SSBP3: variants seen among roughly 807,000 people sequenced by gnomAD.
SSBP3 encodes single stranded DNA binding protein 3, also known as single-stranded DNA-binding protein 3.
Under a neutral mutation model 69.6 loss-of-function variants are expected in SSBP3, and 5 were observed. That is an observed-to-expected ratio of 0.07 (90% CI 0.04 to 0.15). The LOEUF (loss-of-function observed/expected upper bound fraction) is 0.15. SSBP3 is among the 10% of genes least tolerant of loss of function. The probability of loss-of-function intolerance (pLI) is 1.00; values close to 1 mark genes in which losing one functional copy is unlikely to be tolerated. For synonymous variants in SSBP3, 196 were observed against 193.4 expected (o/e 1.01, Z -0.11); for missense variants, 312 against 534.0 (o/e 0.58, Z 4.10).
At chr1:54,305,348 C>T (rs1437975739) in intron 4 of SSBP3, among the ~76,000 whole-genome samples, 3 of 149,802 alleles carry the variant, frequency 2.0e-5, no homozygotes. Context: ...CCGGCCAGCA[C>T]ATGGTAGGGT....
chr1:54,288,934 C>T (rs1490042171), intron 4 of SSBP3, among the ~76,000 whole-genome samples: 5 of 147,300 alleles, frequency 3.4e-5, no homozygotes, highest in Admixed American at 7.0e-5. Flanking sequence ...GCAGGAGACT[C>T]GCGTGAACCC....
intron 14 of SSBP3, chr1:54,236,457 T>G (rs543026627): frequency 6.6e-6 from 1 of 152,332 alleles, no homozygotes; most frequent in South Asian, 2.1e-4. Context: ...GTTGCAGAGA[T>G]GGTGAGGATG....
intron 4 of SSBP3, among the ~76,000 whole-genome samples, chr1:54,284,454 T>C (rs1446062636): frequency 2.0e-5 from 3 of 151,766 alleles, no homozygotes; most frequent in Non-Finnish European, 4.4e-5. Context: ...TAAGGGTAAG[T>C]TATAATTTAA....
chr1:54,251,918 A>T (rs1644837356), intron 7 of SSBP3, 58 bp from the exon 8 acceptor site: 1 of 1,460,150 alleles, frequency 6.8e-7, no homozygotes, highest in Admixed American at 1.8e-5. Flanking sequence ...GGCCATGGGG[A>T]CAGGCATCTA....
At chr1:54,408,854 GC>G (rs1203318976), upstream of SSBP3, among the ~76,000 whole-genome samples, 1 of 152,212 alleles carries the variant, frequency 6.6e-6, no homozygotes, top group Non-Finnish European at 1.5e-5. Context: ...TCAGCCCTTT[GC>G]TGGAACTTGA....
At chr1:54,321,407 G>A (rs927679129) in intron 4 of SSBP3, among the ~76,000 whole-genome samples, 6 of 152,202 alleles carry the variant, frequency 3.9e-5, no homozygotes, top group African/African-American at 1.4e-4. Context: ...TGGCTGGGTG[G>A]TATCCATCCC....
Position 54,237,685 on chromosome 1 carries a change from C to T in SSBP3, c.927+1444G>A, listed in dbSNP as rs185708010. ...GTCACGCTGGTGCTGTCATTGTCAC[C>T]GTTCTCATTTTCATCATCTGAACTC... On this transcript the variant is annotated intron_variant, in intron 14 of 17. Transcript: ENST00000610401. 65 of 160,088 alleles carry T rather than the reference C, an allele frequency of 4.1e-4. No homozygotes were observed. The East Asian group carries it at 7.5e-3, about 19-fold the overall frequency. The allele number at this position is 160,088 out of a possible 1,614,324, so 9.9% of individuals were successfully genotyped here.
chr1:54,239,205 G>T lies in SSBP3; in HGVS notation c.857-6C>A, dbSNP rs367861609. On this transcript the variant is annotated splice_polypyrimidine_tract_variant and splice_region_variant and intron_variant, in intron 13 of 17. Coordinates refer to ENST00000610401, the Ensembl canonical transcript of SSBP3. ...GTCACTGGAATTTGTTGAATCTGTAGAACAGTGGAAACCCACAAGTCGGGG... is the reference window on the plus strand; with the variant it reads ...GTCACTGGAATTTGTTGAATCTGTATAACAGTGGAAACCCACAAGTCGGGG... 2 of 1,606,436 alleles carry T rather than the reference G, an allele frequency of 1.2e-6. No individual in the cohort carries two copies. The highest frequency in any genetic ancestry group is 2.7e-5 in the African/African-American group (2 of 74,584).
At chr1:54,256,003 C>T (rs1164788281) in intron 7 of SSBP3, among the ~76,000 whole-genome samples, 17 of 151,748 alleles carry the variant, frequency 1.1e-4, no homozygotes, top group African/African-American at 4.1e-4. Flanking sequence ...ACCCAGGAGG[C>T]GGACGGAGGT....
At chr1:54,240,104 G>GCCCA (rs1491195717) in intron 13 of SSBP3, among the ~76,000 whole-genome samples, 1 of 4,574 alleles carries the variant, frequency 2.2e-4, no homozygotes, top group Non-Finnish European at 4.4e-4. Flanking sequence ...GCGCGCGTGT[G>GCCCA]CGTGCGCGCG....
rs1644325512 is a variant in SSBP3 at position 54,228,438 on chromosome 1, T to C, written c.1035+11A>G. The C allele has an allele frequency of 1.9e-6, 3 of 1,614,018 alleles. No individual in the cohort carries two copies. Among genetic ancestry groups the C allele is most frequent in the African/African-American group, 1.3e-5 (1 of 74,900 alleles). On this transcript the variant is annotated intron_variant, in intron 16 of 17. Transcript: ENST00000610401. ...ATGGGGCGCCGCCAGGGAGACCGAG[T>C]GCACACTCACTTTTGGAAGTCCGTC... is the stretch of plus-strand genomic sequence containing the variant.
At chr1:54,403,488 A>G (rs1649452202) in intron 3 of SSBP3, among the ~76,000 whole-genome samples, 1 of 152,198 alleles carries the variant, frequency 6.6e-6, no homozygotes, top group African/African-American at 2.4e-5. Context: ...CAGAAAGCCT[A>G]TCACCCACTC....
chr1:54,390,505 G>A (rs765049848), intron 4 of SSBP3, among the ~76,000 whole-genome samples: 4 of 152,034 alleles, frequency 2.6e-5, no homozygotes, highest in Admixed American at 6.6e-5. Flanking sequence ...GGTCAGAATC[G>A]ACTGAAGCAC....
At chr1:54,281,023 G>C (rs369832770) in intron 5 of SSBP3, among the ~76,000 whole-genome samples, 2 of 152,186 alleles carry the variant, frequency 1.3e-5, no homozygotes, top group Admixed American at 6.5e-5. Flanking sequence ...ATTTGGACAA[G>C]TAAAGTAAAC....
At chr1:54,392,621 T>C (rs1211742743) in intron 4 of SSBP3, among the ~76,000 whole-genome samples, 1 of 152,194 alleles carries the variant, frequency 6.6e-6, no homozygotes, top group East Asian at 1.9e-4. Context: ...CACGTGCCCC[T>C]TGTCCATCTT....
chr1:54,403,794 A>G (rs1649477648), intron 3 of SSBP3, among the ~76,000 whole-genome samples: 1 of 152,120 alleles, frequency 6.6e-6, no homozygotes, highest in South Asian at 2.1e-4. Flanking sequence ...CCCACAAAAC[A>G]CCCGGGTCAT....
chr1:54,280,995 T>C lies in SSBP3; in HGVS notation c.366+443A>G, dbSNP rs150732275. Among the ~76,000 whole-genome samples the C allele has an allele frequency of 5.9e-4, 90 of 152,210 alleles. 1 individual carries two copies. The East Asian group carries it at 0.013, about 22-fold the overall frequency. ...GGTGGGTTTTTGTGTTTTTTTAAGA[T>C]TACGCCTAAGGTTTGTCATTTGGAC... is the stretch of plus-strand genomic sequence containing the variant. On this transcript the variant is annotated intron_variant, in intron 5 of 17. Coordinates refer to ENST00000610401, the Ensembl canonical transcript of SSBP3.
chr1:54,388,164 C>T (rs181802162), intron 4 of SSBP3, among the ~76,000 whole-genome samples: 30 of 152,020 alleles, frequency 2.0e-4, no homozygotes, highest in African/African-American at 7.0e-4. Context: ...TTACAGGTTT[C>T]TACTGAAATG....
At chr1:54,240,070 G>A (rs1194169569) in intron 13 of SSBP3, among the ~76,000 whole-genome samples, 333 of 25,498 alleles carry the variant, frequency 0.013, 2 homozygotes, top group African/African-American at 0.064. Flanking sequence ...GTGTGTGTGT[G>A]TGTGTGTGTG....
Sources: allele counts gnomAD v4.1 joint callset (sites outside exome capture counted in the v4.1 genomes callset), GRCh38; gene constraint gnomAD v4.1.1; transcripts MANE v1.5; gene names NCBI Gene and HGNC (gene_info 2026-07-23, HGNC 2026-07-21).